The following AFTPH variants were observed in gnomAD, a reference collection of about 807,000 sequenced individuals.
The protein encoded by AFTPH is aftiphilin.
A neutral mutation model predicts 72.5 loss-of-function variants in AFTPH; 7 were observed. The observed-to-expected ratio is 0.10, with a 90% CI of 0.05 to 0.18. AFTPH has a LOEUF of 0.18. Among genes scored for constraint, AFTPH ranks in the 10% least tolerant of loss-of-function variants. The probability of loss-of-function intolerance (pLI) is 1.00; values close to 1 mark genes in which losing one functional copy is unlikely to be tolerated. For synonymous variants in AFTPH, 337 were observed against 370.1 expected (o/e 0.91, Z 1.03); for missense variants, 979 against 1,060.5 (o/e 0.92, Z 1.07).
At chr2:64,569,387 AT>A (rs1672281747) in intron 4 of AFTPH, among the ~76,000 whole-genome samples, 169 bp downstream of exon 4, 1 of 152,158 alleles carries the variant, frequency 6.6e-6, no homozygotes, top group South Asian at 2.1e-4. Context: ...GTCTACCTAA[AT>A]TTTTCTCTAA....
intron 7 of AFTPH, among the ~76,000 whole-genome samples, chr2:64,585,081 CAT>C (rs1673432358): frequency 6.6e-6 from 1 of 152,142 alleles, no homozygotes; most frequent in South Asian, 2.1e-4. Context: ...ATTTATAAAA[CAT>C]TGATAATTTT....
At chr2:64,555,898 C>T (rs1671331381) in intron 2 of AFTPH, among the ~76,000 whole-genome samples, 1 of 151,960 alleles carries the variant, frequency 6.6e-6, no homozygotes, top group Non-Finnish European at 1.5e-5. Context: ...TTAATTTAGC[C>T]CTTTTGGAGA....
At chr2:64,584,684 C>T (rs904861004) in intron 7 of AFTPH, among the ~76,000 whole-genome samples, 1 of 150,566 alleles carries the variant, frequency 6.6e-6, no homozygotes, top group East Asian at 1.9e-4. Flanking sequence ...GCAAGCTCCG[C>T]CTTCCGGGTT....
rs189117689 is a variant in AFTPH at position 64,568,978 on chromosome 2, T to C, written c.2088-114T>C. The C allele has an allele frequency of 6.8e-5, 78 of 1,139,534 alleles. No individual in the cohort carries two copies. The African/African-American group carries it at 1.0e-3, about 15-fold the overall frequency. 70.6% of individuals were successfully genotyped at this position (1,139,534 alleles called of 1,614,324 possible). A position where few individuals can be genotyped will look rare whatever the true frequency, so the allele number is the denominator to read the frequency against. ...TCATTCAAATAGTTATACACTTACG[T>C]TGGACCCAAGAGTAAATGGAATGTG... On this transcript the variant is annotated intron_variant, in intron 3 of 8. Transcript: ENST00000238856.
intron 2 of AFTPH, among the ~76,000 whole-genome samples, chr2:64,554,638 G>A (rs1671249418): frequency 6.6e-6 from 1 of 152,118 alleles, no homozygotes; most frequent in African/African-American, 2.4e-5. Context: ...CTTTTTAGTT[G>A]GCTTTTGTGT....
intron 1 of AFTPH, among the ~76,000 whole-genome samples, chr2:64,543,674 T>G (rs900453294): frequency 6.6e-6 from 1 of 152,224 alleles, no homozygotes; most frequent in African/African-American, 2.4e-5. Flanking sequence ...CACAAGACCA[T>G]GTGACTTTAA....
Position 64,569,612 on chromosome 2 carries a change from C to CGT in AFTPH, c.2215-4_2215-3dup. ...CTAAATATATGTTCTTTCTGTCTAA[C>CGT]GTGTGTGTAGCTCTTCACGGGCAAT... On this transcript the variant is annotated splice_polypyrimidine_tract_variant and intron_variant, in intron 4 of 8. Transcript: ENST00000238856. The CGT allele has an allele frequency of 6.2e-7, 1 of 1,612,960 alleles. No individual in the cohort carries two copies. The highest frequency in any genetic ancestry group is 8.5e-7 in the Non-Finnish European group (1 of 1,179,194).
At chr2:64,592,115 TAAA>T (rs35699964) in exon 9 of AFTPH, 1,280 of 843,082 alleles carry the variant, frequency 1.5e-3, no homozygotes, top group South Asian at 2.9e-3. Flanking sequence ...CTGCTCTAAT[TAAA>T]AAAAAAAAAA....
At chr2:64,581,676 A>T (rs932500851) in intron 7 of AFTPH, among the ~76,000 whole-genome samples, 5 of 152,232 alleles carry the variant, frequency 3.3e-5, no homozygotes, top group Admixed American at 2.6e-4. Flanking sequence ...AGATGACTTT[A>T]CATTGTAGTG....
At chr2:64,577,782 G>A (rs893561939) in intron 6 of AFTPH, among the ~76,000 whole-genome samples, 1 of 152,176 alleles carries the variant, frequency 6.6e-6, no homozygotes, top group Non-Finnish European at 1.5e-5. Flanking sequence ...TAGATTCATA[G>A]GAAGTTGCAA....
intron 2 of AFTPH, among the ~76,000 whole-genome samples, chr2:64,562,221 G>A (rs1423204693): frequency 6.6e-6 from 1 of 151,976 alleles, no homozygotes; most frequent in Non-Finnish European, 1.5e-5. Context: ...TTTATGTCTT[G>A]TAATTATTTA....
intron 1 of AFTPH, among the ~76,000 whole-genome samples, chr2:64,542,909 T>C (rs747019268): frequency 1.6e-4 from 25 of 152,364 alleles, no homozygotes; most frequent in Non-Finnish European, 3.1e-4. Flanking sequence ...TAGTTGATCA[T>C]TTACTTAGTG....
chr2:64,579,712 C>T (rs187247824), intron 7 of AFTPH, 166 bp downstream of exon 7: 28 of 558,648 alleles, frequency 5.0e-5, no homozygotes, highest in African/African-American at 3.6e-4. Context: ...AGAAACCAGC[C>T]GTTACTATTA....
chr2:64,566,702 T>C (rs1159822785), intron 2 of AFTPH, among the ~76,000 whole-genome samples: 1 of 152,064 alleles, frequency 6.6e-6, no homozygotes, highest in Non-Finnish European at 1.5e-5. Flanking sequence ...AGGTTGCACA[T>C]GTATAGTAAA....
chr2:64,561,635 C>T (rs1258675087), intron 2 of AFTPH, among the ~76,000 whole-genome samples: 1 of 152,132 alleles, frequency 6.6e-6, no homozygotes, highest in Admixed American at 6.5e-5. Flanking sequence ...GCTGTGATGG[C>T]ACCACTGCGC....
At chr2:64,585,467 TCTC>T (rs751864794) in exon 8 of AFTPH, 15 of 1,613,652 alleles carry the variant, frequency 9.3e-6, no homozygotes, top group Non-Finnish European at 1.3e-5. Flanking sequence ...AAGCTGGAAA[TCTC>T]CACCTCAAGC....
intron 1 of AFTPH, among the ~76,000 whole-genome samples, chr2:64,545,416 A>G (rs190893278): frequency 6.4e-4 from 97 of 150,800 alleles, no homozygotes; most frequent in African/African-American, 2.3e-3. Context: ...ATTATTATGT[A>G]TATACTGTTT....
intron 6 of AFTPH, among the ~76,000 whole-genome samples, chr2:64,575,693 A>G (rs1419079375): frequency 8.9e-5 from 12 of 135,434 alleles, no homozygotes; most frequent in South Asian, 7.5e-4. Context: ...ATATATATGT[A>G]TGTGTGTATA....
chr2:64,526,789 C>T (rs762661317), intron 1 of AFTPH, among the ~76,000 whole-genome samples: 1 of 152,120 alleles, frequency 6.6e-6, no homozygotes, highest in Admixed American at 6.5e-5. Context: ...ATATATATTG[C>T]TTCCTATGAG....
Sources: allele counts gnomAD v4.1 joint callset (sites outside exome capture counted in the v4.1 genomes callset), GRCh38; gene constraint gnomAD v4.1.1; transcripts MANE v1.5; gene names NCBI Gene and HGNC (gene_info 2026-07-23, HGNC 2026-07-21).